THRAP3: variants seen among roughly 807,000 people sequenced by gnomAD.
THRAP3 encodes the protein thyroid hormone receptor-associated protein 3.
Under a neutral mutation model 101.0 loss-of-function variants are expected in THRAP3, and 16 were observed. The observed-to-expected ratio is 0.16, with a 90% CI of 0.11 to 0.24. THRAP3 has a LOEUF of 0.24. THRAP3 is among the 10% of genes least tolerant of loss of function. The pLI is 1.00. For synonymous variants in THRAP3, 407 were observed against 422.6 expected (o/e 0.96, Z 0.45); for missense variants, 989 against 1,202.7 (o/e 0.82, Z 2.63).
intron 3 of THRAP3, among the ~76,000 whole-genome samples, chr1:36,283,350 GT>G (rs1645757016): frequency 6.6e-6 from 1 of 152,096 alleles, no homozygotes; most frequent in Non-Finnish European, 1.5e-5. Context: ...TTTTAATTAT[GT>G]CTTGGAATAG....
rs374672531 is a variant in THRAP3, at chr1:36,292,546, A to G, written c.1919-52A>G. On this transcript the variant is annotated intron_variant, in intron 6 of 11. Coordinates refer to ENST00000354618, the MANE Select transcript of THRAP3 (RefSeq NM_005119.4). ...CGGCCTCCGAAAGTGGTGGGATTAT[A>G]GGCTTGAGCCACCATGCCTGGCCCA... is the stretch of plus-strand genomic sequence containing the variant. 6.4e-5 allele frequency: 92 copies of G among 1,441,578 alleles called. No individual in the cohort carries two copies. The African/African-American group carries it at 6.9e-4, about 11-fold the overall frequency. 89.3% of individuals were successfully genotyped at this position (1,441,578 alleles called of 1,614,324 possible).
upstream of THRAP3, among the ~76,000 whole-genome samples, chr1:36,223,596 G>A (rs1644921363): frequency 6.6e-6 from 1 of 152,194 alleles, no homozygotes; most frequent in Admixed American, 6.6e-5. Flanking sequence ...GAGGAAACCA[G>A]CCTGTGCAAA....
chr1:36,235,894 A>G (rs1371284390), intron 1 of THRAP3, among the ~76,000 whole-genome samples: 3 of 152,148 alleles, frequency 2.0e-5, no homozygotes, highest in Non-Finnish European at 4.4e-5. Context: ...AGTCATGTTT[A>G]TTGACATAAT....
At chr1:36,252,060 T>C (rs767403922) in intron 1 of THRAP3, among the ~76,000 whole-genome samples, 26 of 152,230 alleles carry the variant, frequency 1.7e-4, no homozygotes, top group Non-Finnish European at 3.5e-4. Flanking sequence ...TTAAAAAATA[T>C]CAGTTCCTAC....
intron 8 of THRAP3, among the ~76,000 whole-genome samples, chr1:36,295,566 T>TTCCTTCCTTCCTTCCTTCCC (rs1557456405): frequency 6.0e-5 from 9 of 150,740 alleles, no homozygotes; most frequent in African/African-American, 2.2e-4. Flanking sequence ...CCTTCCTTCC[T>TTCCTTCCTTCCTTCCTTCCC]TCCTTCCTTC....
the THRAP3 span, among the ~76,000 whole-genome samples, chr1:36,218,322 T>TTGCA: frequency 6.8e-6 from 1 of 147,768 alleles, no homozygotes; most frequent in Non-Finnish European, 1.5e-5. Flanking sequence ...TGAGCAGAGA[T>TTGCA]TGCATCACGC....
chr1:36,287,655 A>C, intron 4 of THRAP3: 1 of 985,450 alleles, frequency 1.0e-6, no homozygotes, highest in Non-Finnish European at 1.2e-6. Context: ...CCCACCATCT[A>C]CTATGTTCGA....
chr1:36,301,547 C>G lies in THRAP3; in HGVS notation c.2503-6C>G. 1 of 1,611,654 alleles carries G rather than the reference C, an allele frequency of 6.2e-7. No individual in the cohort carries two copies. The highest frequency in any genetic ancestry group is 8.5e-7 in the Non-Finnish European group (1 of 1,179,192). ...TTTGTTCTTTTTCCCTCATTTATTG[C>G]AATAGCAGTTTCGAGCCAGAGGAAG... On this transcript the variant is annotated splice_polypyrimidine_tract_variant and splice_region_variant and intron_variant, in intron 10 of 11. Coordinates refer to ENST00000354618, the MANE Select transcript of THRAP3 (RefSeq NM_005119.4).
chr1:36,207,726 C>T, the THRAP3 span, among the ~76,000 whole-genome samples: 1 of 152,146 alleles, frequency 6.6e-6, no homozygotes, highest in African/African-American at 2.4e-5. Flanking sequence ...CTGAACTAAA[C>T]AAAAAGAGGA....
At chr1:36,266,442 C>T (rs1206525019) in intron 2 of THRAP3, among the ~76,000 whole-genome samples, 1 of 152,158 alleles carries the variant, frequency 6.6e-6, no homozygotes, top group East Asian at 1.9e-4. Flanking sequence ...ATGGAAAATA[C>T]ATTTCTCATT....
intron 7 of THRAP3, among the ~76,000 whole-genome samples, chr1:36,293,640 C>CTCTGTGTGTGTGTGTG (rs1553125101): frequency 1.5e-5 from 2 of 133,314 alleles, no homozygotes; most frequent in African/African-American, 5.6e-5. Context: ...GAACCTGGGA[C>CTCTGTGTGTGTGTGTG]TGTGTGTGTG....
chr1:36,232,879 C>CT (rs11448026), intron 1 of THRAP3, among the ~76,000 whole-genome samples: 110,257 of 139,120 alleles, frequency 0.79, 44,999 homozygotes, highest in East Asian at 0.94. Context: ...CGAACTGTAT[C>CT]TTTTTTTTTT....
At position 36,278,134 on chromosome 1, in the gene THRAP3, C is replaced by T. The variant is rs537389631; in HGVS notation, c.-31-4399C>T. On this transcript the variant is annotated intron_variant, in intron 2 of 11. Transcript: ENST00000354618. ...GGCTGGAGTGCACTGGCGTGATCTT[C>T]GCTCACTGCAACTTCCACCTCCTGG... is the stretch of plus-strand genomic sequence containing the variant. 6.1e-5 allele frequency among the ~76,000 whole-genome samples: 9 copies of T among 148,154 alleles called. No individual in the cohort carries two copies. The South Asian group carries it at 1.1e-3, about 18-fold the overall frequency.
intron 5 of THRAP3, among the ~76,000 whole-genome samples, chr1:36,289,995 C>G (rs1458574972): frequency 6.6e-6 from 1 of 152,148 alleles, no homozygotes; most frequent in African/African-American, 2.4e-5. Context: ...TCCTTAGTGA[C>G]TGGCTCACTC....
At chr1:36,292,552 G>C (rs769194088) in intron 6 of THRAP3, 46 bp from the exon 7 acceptor site, 1 of 1,497,170 alleles carries the variant, frequency 6.7e-7, no homozygotes, top group Non-Finnish European at 9.2e-7. Flanking sequence ...TTATAGGCTT[G>C]AGCCACCATG....
chr1:36,284,503 C>T (rs1645771169), intron 3 of THRAP3, among the ~76,000 whole-genome samples: 1 of 152,178 alleles, frequency 6.6e-6, no homozygotes, highest in Non-Finnish European at 1.5e-5. Flanking sequence ...TGTTTTCCCT[C>T]TCCTGCAAGG....
chr1:36,297,021 G>C (rs190609975), intron 9 of THRAP3, among the ~76,000 whole-genome samples: 8 of 152,342 alleles, frequency 5.3e-5, no homozygotes, highest in African/African-American at 1.7e-4. Flanking sequence ...CACAGGGATG[G>C]TGTGGAGAAT....
At chr1:36,271,790 C>T (rs1645595205) in intron 2 of THRAP3, among the ~76,000 whole-genome samples, 1 of 151,924 alleles carries the variant, frequency 6.6e-6, no homozygotes, top group Admixed American at 6.6e-5. Context: ...GAAGGGGTTT[C>T]TCCATGTTGG....
intron 1 of THRAP3, among the ~76,000 whole-genome samples, chr1:36,259,123 C>T (rs993981739): frequency 1.3e-5 from 2 of 152,112 alleles, no homozygotes; most frequent in Non-Finnish European, 2.9e-5. Flanking sequence ...ATAATGAAAA[C>T]CTTAGCACCT....
Sources: allele counts gnomAD v4.1 joint callset (sites outside exome capture counted in the v4.1 genomes callset), GRCh38; gene constraint gnomAD v4.1.1; transcripts MANE v1.5; gene names NCBI Gene and HGNC (gene_info 2026-07-23, HGNC 2026-07-21).